OLFM3: variants seen among roughly 807,000 people sequenced by gnomAD.
OLFM3 encodes the protein olfactomedin 3, also known as noelin-3.
Under a neutral mutation model 48.6 loss-of-function variants are expected in OLFM3, and 20 were observed. The observed-to-expected ratio is 0.41, with a 90% CI of 0.29 to 0.60. The LOEUF (loss-of-function observed/expected upper bound fraction) is 0.60. OLFM3 is among the 20% of genes least tolerant of loss of function. The pLI, the probability that OLFM3 is intolerant of heterozygous loss-of-function variation, is 0.28. For synonymous variants in OLFM3, 222 were observed against 198.1 expected (o/e 1.12, Z -1.01); for missense variants, 437 against 544.3 (o/e 0.80, Z 1.96).
chr1:101,858,463 A>G (rs1656516528), intron 1 of OLFM3, among the ~76,000 whole-genome samples: 1 of 152,050 alleles, frequency 6.6e-6, no homozygotes, highest in Non-Finnish European at 1.5e-5. Context: ...TATAGCTGTA[A>G]GTATAATTTC....
chr1:101,844,171 C>T (rs543670251), intron 1 of OLFM3, among the ~76,000 whole-genome samples: 1 of 152,310 alleles, frequency 6.6e-6, no homozygotes, highest in South Asian at 2.1e-4. Flanking sequence ...GAACCTCTTT[C>T]ACTGCTTTGT....
At chr1:101,875,207 G>GA (rs1362844930) in intron 1 of OLFM3, among the ~76,000 whole-genome samples, 4 of 151,876 alleles carry the variant, frequency 2.6e-5, no homozygotes, top group Non-Finnish European at 5.9e-5. Flanking sequence ...TGAGCAATCT[G>GA]AAAAAACAAT....
intron 1 of OLFM3, among the ~76,000 whole-genome samples, chr1:101,966,215 AG>A (rs1158605028): frequency 6.6e-6 from 1 of 151,920 alleles, no homozygotes; most frequent in East Asian, 1.9e-4. Context: ...GCCCTGCTGA[AG>A]TGAAGTGGTG....
chr1:101,984,137 G>C (rs772041748), intron 1 of OLFM3, among the ~76,000 whole-genome samples: 1 of 151,632 alleles, frequency 6.6e-6, no homozygotes, highest in South Asian at 2.1e-4. Context: ...CTACTTGGGA[G>C]GCTGAGGCCC....
intron 1 of OLFM3, among the ~76,000 whole-genome samples, chr1:101,853,131 A>T (rs1406892641): frequency 6.6e-6 from 1 of 152,070 alleles, no homozygotes; most frequent in Non-Finnish European, 1.5e-5. Context: ...AGCTTGCACT[A>T]TAAAGTTCTA....
intron 1 of OLFM3, among the ~76,000 whole-genome samples, chr1:101,885,009 A>G (rs1174399016): frequency 6.6e-6 from 1 of 152,044 alleles, no homozygotes; most frequent in Admixed American, 6.6e-5. Flanking sequence ...CAATAGACAG[A>G]ACACCAGGAA....
chr1:101,812,740 A>T, intron 4 of OLFM3: 1 of 987,552 alleles, frequency 1.0e-6, no homozygotes, highest in Non-Finnish European at 1.2e-6. Flanking sequence ...TTTGTACCGG[A>T]GGTTAAAAGC....
chr1:101,935,544 G>T (rs113837902), intron 1 of OLFM3, among the ~76,000 whole-genome samples: 106 of 152,198 alleles, frequency 7.0e-4, no homozygotes, highest in African/African-American at 2.3e-3. Flanking sequence ...TCCACTAGAT[G>T]TATAAAGAAG....
Position 101,965,150 on chromosome 1 carries a change from A to T in OLFM3, c.69+31598T>A, listed in dbSNP as rs896731243. 4.6e-5 allele frequency among the ~76,000 whole-genome samples: 7 copies of T among 152,336 alleles called. No homozygotes were observed. In the East Asian group the frequency reaches 1.2e-3, roughly 25 times the overall value. On this transcript the variant is annotated intron_variant, in intron 1 of 5. Coordinates refer to ENST00000370103, the MANE Select transcript of OLFM3 (RefSeq NM_058170.4). ...AAGGACCCCAGGAAAATACAGAAGGAGCCACTGGAATTTCCTCAGTAACAG... is the reference window on the plus strand; with the variant it reads ...AAGGACCCCAGGAAAATACAGAAGGTGCCACTGGAATTTCCTCAGTAACAG...
chr1:101,878,074 A>C (rs1657374158), intron 1 of OLFM3, among the ~76,000 whole-genome samples: 1 of 151,866 alleles, frequency 6.6e-6, no homozygotes, highest in Non-Finnish European at 1.5e-5. Flanking sequence ...GTCCTAGAGA[A>C]GATACACCTG....
chr1:101,964,826 G>A (rs1660565243), intron 1 of OLFM3, among the ~76,000 whole-genome samples: 1 of 152,164 alleles, frequency 6.6e-6, no homozygotes, highest in Non-Finnish European at 1.5e-5. Flanking sequence ...AAACAAGTTG[G>A]TACAAACCAA....
intron 1 of OLFM3, among the ~76,000 whole-genome samples, chr1:101,970,644 C>T (rs1258227604): frequency 2.0e-5 from 3 of 152,350 alleles, no homozygotes; most frequent in South Asian, 4.1e-4. Flanking sequence ...TTTAGATCCT[C>T]ACCTTCTACT....
At chr1:101,927,357 A>G (rs1659303746) in intron 1 of OLFM3, among the ~76,000 whole-genome samples, 1 of 152,130 alleles carries the variant, frequency 6.6e-6, no homozygotes, top group Non-Finnish European at 1.5e-5. Flanking sequence ...TAAAAAAATA[A>G]TCCATTCAAA....
intron 1 of OLFM3, among the ~76,000 whole-genome samples, chr1:101,946,010 C>G (rs1216774262): frequency 6.6e-6 from 1 of 152,122 alleles, no homozygotes; most frequent in East Asian, 1.9e-4. Flanking sequence ...AAAATGTTGT[C>G]TTGTGAGAAT....
intron 4 of OLFM3, among the ~76,000 whole-genome samples, chr1:101,824,786 C>T (rs139983642): frequency 7.2e-4 from 109 of 152,182 alleles, no homozygotes; most frequent in African/African-American, 2.5e-3. Context: ...ACTGTATTTG[C>T]CAGATTACTT....
At chr1:101,809,337 T>C (rs1404771441) in intron 4 of OLFM3, among the ~76,000 whole-genome samples, 2 of 152,002 alleles carry the variant, frequency 1.3e-5, no homozygotes, top group East Asian at 1.9e-4. Context: ...AGAAAGAATA[T>C]GAGCTTGTCA....
chr1:101,857,548 G>A (rs1389106790), intron 1 of OLFM3, among the ~76,000 whole-genome samples: 1 of 151,644 alleles, frequency 6.6e-6, no homozygotes, highest in Non-Finnish European at 1.5e-5. Flanking sequence ...TACTGAAAAT[G>A]GATCAGCTTT....
intron 1 of OLFM3, among the ~76,000 whole-genome samples, chr1:101,943,858 A>G (rs1256387836): frequency 6.8e-6 from 1 of 146,616 alleles, no homozygotes; most frequent in African/African-American, 2.5e-5. Flanking sequence ...ATAACATCAT[A>G]TCTGATTAAA....
chr1:101,826,294 G>GT (rs1654862799), intron 3 of OLFM3, among the ~76,000 whole-genome samples: 1 of 151,944 alleles, frequency 6.6e-6, no homozygotes, highest in Non-Finnish European at 1.5e-5. Context: ...TAACTTCATA[G>GT]TAGTGAAAAT....
Sources: gnomAD v4.1 joint callset for allele counts (sites outside exome capture counted in the v4.1 genomes callset) on GRCh38, gnomAD v4.1.1 for gene constraint, MANE v1.5 for transcripts, NCBI Gene and HGNC (gene_info 2026-07-23, HGNC 2026-07-21) for gene names.